RSPO2: variants seen among roughly 807,000 people sequenced by gnomAD.
RSPO2 encodes the protein R-spondin-2.
In RSPO2, 14 loss-of-function variants were observed where a neutral mutation model predicts 30.9. The ratio of observed to expected loss-of-function variants is 0.45; its 90% CI spans 0.30 to 0.71. The LOEUF is 0.71. Among genes scored for constraint, RSPO2 ranks in the 30% least tolerant of loss-of-function variants. The pLI, the probability that RSPO2 is intolerant of heterozygous loss-of-function variation, is 0.08. For missense variants in RSPO2, 264 were observed against 301.9 expected, an observed-to-expected ratio of 0.87 and a Z score of 0.93; for synonymous variants, 107 against 96.4, an observed-to-expected ratio of 1.11 and a Z score of -0.64.
chr8:108,023,908 C>A (rs1435811179), intron 2 of RSPO2, among the ~76,000 whole-genome samples: 1 of 152,016 alleles, frequency 6.6e-6, no homozygotes, highest in South Asian at 2.1e-4. Context: ...AAACCAGTTA[C>A]CCAAATTCTT....
chr8:107,931,567 T>C (rs1812554147), intron 5 of RSPO2, among the ~76,000 whole-genome samples: 1 of 152,196 alleles, frequency 6.6e-6, no homozygotes, highest in Non-Finnish European at 1.5e-5. Flanking sequence ...GAATAAAGTC[T>C]GTGGACGTCC....
intron 2 of RSPO2, among the ~76,000 whole-genome samples, chr8:107,991,129 C>T (rs150963661): frequency 1.3e-5 from 2 of 151,364 alleles, no homozygotes; most frequent in Non-Finnish European, 1.5e-5. Flanking sequence ...TGCCTATAAT[C>T]CCAGCTACTT....
intron 5 of RSPO2, among the ~76,000 whole-genome samples, chr8:107,919,075 C>A (rs980423392): frequency 6.6e-6 from 1 of 152,056 alleles, no homozygotes; most frequent in Non-Finnish European, 1.5e-5. Flanking sequence ...GCCTTGGAAC[C>A]CCAGCCAGGC....
At chr8:108,060,771 G>C (rs1309159228) in intron 2 of RSPO2, among the ~76,000 whole-genome samples, 11 of 137,498 alleles carry the variant, frequency 8.0e-5, no homozygotes, top group African/African-American at 7.1e-5. Context: ...AAAATGTTAA[G>C]GGCAGCCAGA....
chr8:107,948,964 C>CTTTTTTTTTT (rs34697845), intron 5 of RSPO2, among the ~76,000 whole-genome samples: 1 of 139,070 alleles, frequency 7.2e-6, no homozygotes, highest in African/African-American at 2.6e-5. Flanking sequence ...AGGTCTGCAC[C>CTTTTTTTTTT]TTTTTTTTTT....
At chr8:107,995,667 A>G (rs751800538) in intron 2 of RSPO2, among the ~76,000 whole-genome samples, 18 of 152,088 alleles carry the variant, frequency 1.2e-4, no homozygotes, top group Admixed American at 3.9e-4. Context: ...CACAATTCCA[A>G]TAGCCTAGGT....
At chr8:108,050,884 C>T (rs1160006822) in intron 2 of RSPO2, among the ~76,000 whole-genome samples, 1 of 152,122 alleles carries the variant, frequency 6.6e-6, no homozygotes, top group African/African-American at 2.4e-5. Context: ...GGAAATGTTG[C>T]TAAGCTACTT....
chr8:108,032,883 C>A (rs1004001505), intron 2 of RSPO2, among the ~76,000 whole-genome samples: 1 of 151,502 alleles, frequency 6.6e-6, no homozygotes, highest in African/African-American at 2.4e-5. Context: ...CATGGTGAAA[C>A]CCCATCTCTA....
chr8:108,016,791 C>T (rs998827920), intron 2 of RSPO2, among the ~76,000 whole-genome samples: 3 of 152,126 alleles, frequency 2.0e-5, no homozygotes, highest in Middle Eastern at 6.8e-3. Flanking sequence ...TTGTTAAAAG[C>T]GTGTGGCACC....
intron 3 of RSPO2, among the ~76,000 whole-genome samples, chr8:107,987,202 C>G (rs1260328789): frequency 1.3e-5 from 2 of 151,980 alleles, no homozygotes; most frequent in South Asian, 2.1e-4. Flanking sequence ...ATTTTTAAAG[C>G]CTCCGCAATT....
intron 2 of RSPO2, among the ~76,000 whole-genome samples, chr8:108,021,937 T>C (rs1395913508): frequency 1.3e-5 from 2 of 151,742 alleles, no homozygotes; most frequent in African/African-American, 4.8e-5. Flanking sequence ...GAACTTAAAA[T>C]ATAAAAAAAA....
Position 108,048,371 on chromosome 8 carries a change from A to C in RSPO2, c.94+34174T>G, listed in dbSNP as rs545466856. Reference sequence around the variant, plus strand: ...GTTGCACAATAGCATTATAGCTGCAACTAGATAGAACAAAGTCACAAAGTA... The same window carrying C: ...GTTGCACAATAGCATTATAGCTGCACCTAGATAGAACAAAGTCACAAAGTA... On this transcript the variant is annotated intron_variant, in intron 2 of 5. Transcript: ENST00000276659. Among the ~76,000 whole-genome samples the C allele has an allele frequency of 3.3e-5, 5 of 151,754 alleles. No homozygotes were observed. The East Asian group carries it at 9.7e-4, about 29-fold the overall frequency.
intron 2 of RSPO2, among the ~76,000 whole-genome samples, chr8:108,020,944 A>C (rs1477272604): frequency 6.6e-6 from 1 of 152,214 alleles, no homozygotes; most frequent in Non-Finnish European, 1.5e-5. Context: ...AGTCCACTTC[A>C]GTACTTGGTG....
At chr8:107,958,461 T>C (rs1045681153) in intron 4 of RSPO2, among the ~76,000 whole-genome samples, 193 bp from the exon 5 acceptor site, 1 of 152,166 alleles carries the variant, frequency 6.6e-6, no homozygotes. Flanking sequence ...CCATAAGATA[T>C]TTCTATCAAA....
intron 5 of RSPO2, among the ~76,000 whole-genome samples, chr8:107,906,480 G>T (rs1211656111): frequency 6.9e-6 from 1 of 145,890 alleles, no homozygotes; most frequent in African/African-American, 2.5e-5. Flanking sequence ...TATCATAAAT[G>T]GATCTAAGAA....
intron 5 of RSPO2, among the ~76,000 whole-genome samples, chr8:107,937,152 T>TGG (rs1398155728): frequency 1.0e-5 from 1 of 99,572 alleles, no homozygotes. Context: ...CCATCTTCAG[T>TGG]TGTTTTTTTT....
intron 2 of RSPO2, among the ~76,000 whole-genome samples, chr8:108,041,411 T>C (rs1014216089): frequency 1.3e-5 from 2 of 151,886 alleles, no homozygotes; most frequent in African/African-American, 4.8e-5. Flanking sequence ...TGAGAGAAGA[T>C]ACACATGGAA....
At chr8:107,961,856 A>C (rs1813637536) in intron 3 of RSPO2, among the ~76,000 whole-genome samples, 1 of 152,238 alleles carries the variant, frequency 6.6e-6, no homozygotes, top group Non-Finnish European at 1.5e-5. Flanking sequence ...GTATAAAAAG[A>C]AGCAATAATT....
rs5893903 is a variant in RSPO2 at position 108,047,856 on chromosome 8, G to GA, written c.94+34688dup. Among the ~76,000 whole-genome samples the GA allele has an allele frequency of 3.9e-3, 533 of 135,800 alleles. 3 individuals are homozygous for GA. Among genetic ancestry groups the GA allele is most frequent in the African/African-American group, 0.012 (443 of 36,672 alleles). 89.1% of individuals were successfully genotyped at this position (135,800 alleles called of 152,430 possible). ...AGAGAGCAAGACTCCGGCTCAGGGA[G>GA]AAAAAAAAAAAAAAGCAGCAGCAGC... On this transcript the variant is annotated intron_variant, in intron 2 of 5. Coordinates refer to ENST00000276659, the MANE Select transcript of RSPO2 (RefSeq NM_178565.5).
Sources: gnomAD v4.1 joint callset for allele counts (sites outside exome capture counted in the v4.1 genomes callset) on GRCh38, gnomAD v4.1.1 for gene constraint, MANE v1.5 for transcripts, NCBI Gene and HGNC (gene_info 2026-07-23, HGNC 2026-07-21) for gene names.